The following TRAF3IP2 variants were observed in gnomAD, a reference collection of about 807,000 sequenced individuals.
TRAF3IP2 encodes E3 ubiquitin ligase TRAF3IP2.
TRAF3IP2 carries 35 observed loss-of-function variants against 57.9 expected under a neutral mutation model. That is an observed-to-expected ratio of 0.60 (90% CI 0.46 to 0.80). The LOEUF is 0.80. TRAF3IP2 is among the 30% of genes least tolerant of loss of function. The pLI is 0.00. For synonymous variants in TRAF3IP2, 251 were observed against 268.9 expected (o/e 0.93, Z 0.65); for missense variants, 556 against 706.4 (o/e 0.79, Z 2.41).
At chr6:111,572,078 C>T (rs942040513) in intron 5 of TRAF3IP2, among the ~76,000 whole-genome samples, 2 of 152,184 alleles carry the variant, frequency 1.3e-5, no homozygotes, top group Non-Finnish European at 2.9e-5. Flanking sequence ...TTTCACCACT[C>T]TCTAGAATTC....
intron 1 of TRAF3IP2, among the ~76,000 whole-genome samples, chr6:111,596,071 G>A (rs974630676): frequency 6.6e-6 from 1 of 151,916 alleles, no homozygotes; most frequent in Non-Finnish European, 1.5e-5. Flanking sequence ...TCTTTCCTTG[G>A]CTGTCACCTC....
chr6:111,579,053 G>A (rs957188735), intron 3 of TRAF3IP2, among the ~76,000 whole-genome samples: 2 of 152,138 alleles, frequency 1.3e-5, no homozygotes, highest in African/African-American at 2.4e-5. Flanking sequence ...TAAAGAGGCA[G>A]GGCACAGTGG....
chr6:111,564,432 G>C (rs1583214890), intron 7 of TRAF3IP2, among the ~76,000 whole-genome samples: 1 of 152,284 alleles, frequency 6.6e-6, no homozygotes, highest in Middle Eastern at 3.4e-3. Flanking sequence ...GCACTAGGCT[G>C]CCCAGCCTGT....
intron 7 of TRAF3IP2, among the ~76,000 whole-genome samples, chr6:111,566,157 A>C (rs1054336906): frequency 6.6e-6 from 1 of 152,208 alleles, no homozygotes; most frequent in African/African-American, 2.4e-5. Flanking sequence ...TAAACAGCCA[A>C]GCCAGCAGAG....
chr6:111,568,382 A>G (rs1489332686), intron 5 of TRAF3IP2, among the ~76,000 whole-genome samples: 2 of 148,114 alleles, frequency 1.4e-5, no homozygotes, highest in Non-Finnish European at 3.0e-5. Context: ...TTTTTATTTT[A>G]TAAGAAACCA....
chr6:111,580,796 T>C (rs977515016), intron 2 of TRAF3IP2, among the ~76,000 whole-genome samples: 2 of 152,232 alleles, frequency 1.3e-5, no homozygotes, highest in Non-Finnish European at 2.9e-5. Flanking sequence ...ATGATAGATA[T>C]AGAATCACTG....
chr6:111,566,985 A>G (rs1026214629), intron 6 of TRAF3IP2: 21 of 265,282 alleles, frequency 7.9e-5, no homozygotes, highest in African/African-American at 4.1e-4. Context: ...TAGCACAGTC[A>G]GTAGGAACAG....
At chr6:111,597,060 A>G (rs1163442643) in intron 1 of TRAF3IP2, among the ~76,000 whole-genome samples, 1 of 152,242 alleles carries the variant, frequency 6.6e-6, no homozygotes, top group African/African-American at 2.4e-5. Context: ...ATCAGTGACA[A>G]TGAGAATGTT....
chr6:111,566,009 C>T (rs1795623775), intron 7 of TRAF3IP2, among the ~76,000 whole-genome samples: 1 of 152,208 alleles, frequency 6.6e-6, no homozygotes, highest in Admixed American at 6.5e-5. Context: ...ACCAGGCCCA[C>T]ATGATGCAAC....
rs1056638729 is a variant in TRAF3IP2 at position 111,556,804 on chromosome 6, G to A, written c.*2601C>T. On this transcript the variant is annotated 3_prime_UTR_variant, in exon 9 of 9. Coordinates refer to ENST00000368761, the MANE Select transcript of TRAF3IP2 (RefSeq NM_147686.4). ...AATGTTTCTTATTTATAGTTGACAA[G>A]TATTTGTCCTTTCCCTGTGCTACAT... is the stretch of plus-strand genomic sequence containing the variant. The A allele has an allele frequency of 6.6e-6, 1 of 152,140 alleles. No individual in the cohort carries two copies. The highest frequency in any genetic ancestry group is 1.5e-5 in the Non-Finnish European group (1 of 68,026). The allele number at this position is 152,140 out of a possible 1,614,324, so 9.4% of individuals were successfully genotyped here.
At chr6:111,569,174 G>T (rs527843288) in intron 5 of TRAF3IP2, among the ~76,000 whole-genome samples, 1 of 152,164 alleles carries the variant, frequency 6.6e-6, no homozygotes, top group Admixed American at 6.5e-5. Context: ...TCTTGAGAAC[G>T]CTTTTGTAGC....
At chr6:111,594,511 C>G (rs1469825204) in intron 1 of TRAF3IP2, 4 of 453,538 alleles carry the variant, frequency 8.8e-6, no homozygotes, top group South Asian at 6.2e-5. Context: ...ACTCTTCTAG[C>G]TGAGGAGCCA....
At chr6:111,592,713 AT>A (rs1796560132) in intron 1 of TRAF3IP2, among the ~76,000 whole-genome samples, 1 of 152,070 alleles carries the variant, frequency 6.6e-6, no homozygotes, top group Non-Finnish European at 1.5e-5. Context: ...AACTTTTATA[AT>A]TTTGTTCCAT....
chr6:111,580,159 T>C, intron 3 of TRAF3IP2, 38 bp downstream of exon 3: 4 of 1,597,736 alleles, frequency 2.5e-6, no homozygotes, highest in Non-Finnish European at 3.4e-6. Flanking sequence ...TTCCTTTCCA[T>C]GTTAAAAATG....
chr6:111,577,344 G>A (rs976802318), intron 3 of TRAF3IP2, among the ~76,000 whole-genome samples: 14 of 152,174 alleles, frequency 9.2e-5, no homozygotes, highest in Admixed American at 7.2e-4. Context: ...TAATGACAGA[G>A]TAAACTTTCT....
At chr6:111,603,913 A>C (rs1356170996) in intron 1 of TRAF3IP2, among the ~76,000 whole-genome samples, 1 of 152,238 alleles carries the variant, frequency 6.6e-6, no homozygotes, top group Non-Finnish European at 1.5e-5. Context: ...CTGCAGCAGC[A>C]GATTAAGAAT....
intron 3 of TRAF3IP2, among the ~76,000 whole-genome samples, chr6:111,578,131 C>T (rs1005144217): frequency 6.6e-6 from 1 of 152,138 alleles, no homozygotes; most frequent in African/African-American, 2.4e-5. Context: ...CTTTGCAACT[C>T]TTTTGTAAGT....
chr6:111,594,132 C>CAAAAA (rs36108891), intron 1 of TRAF3IP2, among the ~76,000 whole-genome samples: 5,705 of 123,888 alleles, frequency 0.046, 371 homozygotes, highest in African/African-American at 0.12. Context: ...ACTCCATCTC[C>CAAAAA]AAAAAAAAAA....
chr6:111,585,606 T>A (rs1245995260), intron 2 of TRAF3IP2, among the ~76,000 whole-genome samples: 2 of 152,108 alleles, frequency 1.3e-5, no homozygotes, highest in Non-Finnish European at 2.9e-5. Context: ...AGTTAGTGTG[T>A]GAGAAGGGGA....
Sources: gnomAD v4.1 joint callset for allele counts (sites outside exome capture counted in the v4.1 genomes callset) on GRCh38, gnomAD v4.1.1 for gene constraint, MANE v1.5 for transcripts, NCBI Gene and HGNC (gene_info 2026-07-23, HGNC 2026-07-21) for gene names.